The following CNNM2 variants were observed in gnomAD, a reference collection of about 807,000 sequenced individuals.
The protein encoded by CNNM2 is metal transporter CNNM2.
In CNNM2, 12 loss-of-function variants were observed where a neutral mutation model predicts 66.9. The ratio of observed to expected loss-of-function variants is 0.18; its 90% CI spans 0.11 to 0.29. CNNM2 has a LOEUF of 0.29. CNNM2 is among the 10% of genes least tolerant of loss of function. CNNM2 has a pLI of 1.00. For synonymous variants in CNNM2, 557 were observed against 501.8 expected (o/e 1.11, Z -1.47); for missense variants, 705 against 1,167.7 (o/e 0.60, Z 5.77).
intron 1 of CNNM2, among the ~76,000 whole-genome samples, chr10:102,935,774 CTTTT>C (rs34196326): frequency 1.3e-5 from 1 of 77,992 alleles, no homozygotes; most frequent in Non-Finnish European, 2.4e-5. Flanking sequence ...CTGCACCTGG[CTTTT>C]TTTTTTTTTT....
intron 1 of CNNM2, among the ~76,000 whole-genome samples, chr10:103,012,946 A>G (rs1037029812): frequency 1.3e-5 from 2 of 152,184 alleles, no homozygotes; most frequent in Non-Finnish European, 2.9e-5. Context: ...ACATAGAAAG[A>G]AGTACCATAT....
chr10:103,024,552 C>T (rs190959499), intron 1 of CNNM2, among the ~76,000 whole-genome samples: 98 of 152,182 alleles, frequency 6.4e-4, no homozygotes, highest in Non-Finnish European at 8.4e-4. Flanking sequence ...GATCTCGGCT[C>T]ACTGCAATCT....
chr10:103,044,699 C>T (rs1057119072), intron 1 of CNNM2, among the ~76,000 whole-genome samples: 6 of 152,130 alleles, frequency 3.9e-5, no homozygotes, highest in Non-Finnish European at 7.4e-5. Context: ...CATTGTTTTT[C>T]CTTTGTACTG....
chr10:102,965,321 G>A (rs2063446058), intron 1 of CNNM2, among the ~76,000 whole-genome samples: 1 of 152,154 alleles, frequency 6.6e-6, no homozygotes, highest in African/African-American at 2.4e-5. Context: ...TTCCTCTTGA[G>A]GGTGAACCTC....
chr10:103,087,140 A>AGTTTTTTTTTTTTTGTTTTTT lies in CNNM2; in HGVS notation c.*9960_*9961insGTTTTTTTTTTTTTGTTTTTT, dbSNP rs2065827293. ...TTCTCACGGTATAAAACTCCGCAGG[A>AGTTTTTTTTTTTTTGTTTTTT]TTTTTTTTTTTTTTTTTTTTTTTTT... On this transcript the variant is annotated 3_prime_UTR_variant, in exon 8 of 8. Transcript: ENST00000369878. The AGTTTTTTTTTTTTTGTTTTTT allele has an allele frequency of 1.3e-5, 1 of 75,374 alleles. No homozygotes were observed. The highest frequency in any genetic ancestry group is 2.3e-5 in the Non-Finnish European group (1 of 42,740). 4.7% of individuals were successfully genotyped at this position (75,374 alleles called of 1,614,324 possible). A position where few individuals can be genotyped will look rare whatever the true frequency, so the allele number is the denominator to read the frequency against.
chr10:102,985,879 G>A (rs2063790052), intron 1 of CNNM2, among the ~76,000 whole-genome samples: 2 of 152,224 alleles, frequency 1.3e-5, no homozygotes, highest in Non-Finnish European at 2.9e-5. Context: ...TGGTTGGCAT[G>A]TTCAGACTTC....
intron 1 of CNNM2, among the ~76,000 whole-genome samples, chr10:103,000,011 G>T (rs2064086485): frequency 6.6e-6 from 1 of 152,116 alleles, no homozygotes; most frequent in Non-Finnish European, 1.5e-5. Flanking sequence ...CAAGGCAGAT[G>T]GATCACCTGA....
At chr10:103,066,089 C>T (rs74468868) in intron 4 of CNNM2, among the ~76,000 whole-genome samples, 2,052 of 152,260 alleles carry the variant, frequency 0.013, 14 homozygotes, top group East Asian at 0.031. Context: ...TTGCTCCCGG[C>T]GGCCTTGAGC....
At chr10:103,004,694 T>TGTCTCAGTTTAC (rs2064191621) in intron 1 of CNNM2, among the ~76,000 whole-genome samples, 1 of 152,268 alleles carries the variant, frequency 6.6e-6, no homozygotes. Context: ...CCAAAGTTAC[T>TGTCTCAGTTTAC]GTCTCAGTTT....
chr10:102,994,291 T>A (rs1361712041), intron 1 of CNNM2, among the ~76,000 whole-genome samples: 1 of 152,214 alleles, frequency 6.6e-6, no homozygotes, highest in Non-Finnish European at 1.5e-5. Flanking sequence ...TGCAGACATA[T>A]AATTTATTCT....
chr10:102,919,878 CT>C lies in CNNM2; in HGVS notation c.1400del (p.Phe467SerfsTer45). 6.2e-7 allele frequency: 1 copy of C among 1,614,242 alleles called. No individual in the cohort carries two copies. On this transcript the variant is annotated frameshift_variant, in exon 1 of 8. Coordinates refer to ENST00000369878, the MANE Select transcript of CNNM2 (RefSeq NM_017649.5). LOFTEE classifies it high-confidence loss of function. ...FMITGEAILDFNTMSEIMESG... is the reference protein window; with the variant it reads ...FMITGEAILDXNTMSEIMESG... ...TGATCACCGGCGAAGCCATCCTGGACTTCAACACCATGTCTGAGATCATGGA... is the reference window on the plus strand; with the variant it reads ...TGATCACCGGCGAAGCCATCCTGGACTCAACACCATGTCTGAGATCATGGA...
At chr10:103,061,945 A>G (rs530609391) in intron 4 of CNNM2, among the ~76,000 whole-genome samples, 1 of 152,384 alleles carries the variant, frequency 6.6e-6, no homozygotes, top group African/African-American at 2.4e-5. Context: ...TAGGAAACAG[A>G]TGCCCCATCC....
intron 7 of CNNM2, 81 bp downstream of exon 7, chr10:103,076,351 C>T: frequency 7.2e-7 from 1 of 1,386,684 alleles, no homozygotes; most frequent in Non-Finnish European, 9.9e-7. Flanking sequence ...TTGCTCCTTG[C>T]CCTCCTCAGA....
At chr10:103,049,953 T>A in intron 2 of CNNM2, 103 bp downstream of exon 2, 1 of 1,122,710 alleles carries the variant, frequency 8.9e-7, no homozygotes, top group Non-Finnish European at 1.3e-6. Flanking sequence ...CTGTTTATAA[T>A]GACACATGAT....
At chr10:102,958,296 A>G (rs1374422072) in intron 1 of CNNM2, among the ~76,000 whole-genome samples, 1 of 151,702 alleles carries the variant, frequency 6.6e-6, no homozygotes, top group African/African-American at 2.4e-5. Context: ...ATTCCTCTCT[A>G]CCCTTAGTTT....
chr10:102,960,715 G>C (rs1392961493), intron 1 of CNNM2, among the ~76,000 whole-genome samples: 3 of 151,094 alleles, frequency 2.0e-5, no homozygotes, highest in East Asian at 3.9e-4. Flanking sequence ...GACCTCCCAG[G>C]CTCAAGCTAT....
At chr10:103,048,406 G>A (rs1322993045) in intron 1 of CNNM2, among the ~76,000 whole-genome samples, 1 of 151,684 alleles carries the variant, frequency 6.6e-6, no homozygotes, top group African/African-American at 2.4e-5. Context: ...AGTAGAGATG[G>A]GGTTTTGCCA....
intron 1 of CNNM2, among the ~76,000 whole-genome samples, chr10:102,937,438 A>G (rs975039611): frequency 6.6e-6 from 1 of 152,228 alleles, no homozygotes; most frequent in African/African-American, 2.4e-5. Flanking sequence ...ACATAAAGCT[A>G]TAATCCCAAG....
intron 1 of CNNM2, among the ~76,000 whole-genome samples, chr10:102,980,498 G>C (rs1343389421): frequency 6.6e-6 from 1 of 151,940 alleles, no homozygotes; most frequent in Non-Finnish European, 1.5e-5. Flanking sequence ...TCGAACTCCT[G>C]GGCTCAAGTG....
Sources: allele counts gnomAD v4.1 joint callset (sites outside exome capture counted in the v4.1 genomes callset), GRCh38; gene constraint gnomAD v4.1.1; transcripts MANE v1.5; gene names NCBI Gene and HGNC (gene_info 2026-07-23, HGNC 2026-07-21).